Variants in KLF12 observed in about 807,000 individuals in gnomAD.
The protein encoded by KLF12 is Krueppel-like factor 12.
A neutral mutation model predicts 37.8 loss-of-function variants in KLF12; 9 were observed. That is an observed-to-expected ratio of 0.24 (90% CI 0.14 to 0.42). The LOEUF (loss-of-function observed/expected upper bound fraction) is 0.42. Among genes scored for constraint, KLF12 ranks in the 10% least tolerant of loss-of-function variants. The probability of loss-of-function intolerance (pLI) is 1.00; values close to 1 mark genes in which losing one functional copy is unlikely to be tolerated. For synonymous variants in KLF12, 208 were observed against 202.1 expected, an observed-to-expected ratio of 1.03 and a Z score of -0.25; for missense variants, 411 against 516.0, an observed-to-expected ratio of 0.80 and a Z score of 1.97.
At chr13:74,109,443 T>C (rs1278773637) in intron 1 of KLF12, among the ~76,000 whole-genome samples, 3 of 152,066 alleles carry the variant, frequency 2.0e-5, no homozygotes, top group African/African-American at 7.2e-5. Context: ...TTCCCAACAT[T>C]TGAAGAATAG....
chr13:73,992,496 G>A (rs543608911), intron 2 of KLF12, among the ~76,000 whole-genome samples: 1 of 152,250 alleles, frequency 6.6e-6, no homozygotes, highest in South Asian at 2.1e-4. Context: ...AGGAAAGGGT[G>A]GATGAAGACT....
intron 1 of KLF12, among the ~76,000 whole-genome samples, chr13:74,064,863 TC>T (rs1873815424): frequency 6.6e-6 from 1 of 152,204 alleles, no homozygotes; most frequent in African/African-American, 2.4e-5. Context: ...TACTAAGTTA[TC>T]TCAGAATCAA....
intron 3 of KLF12, among the ~76,000 whole-genome samples, chr13:73,894,372 T>C (rs919427909): frequency 6.6e-6 from 1 of 152,168 alleles, no homozygotes; most frequent in African/African-American, 2.4e-5. Context: ...ATACAGAGTG[T>C]CATCTTTTGA....
At chr13:73,796,507 CTGTGTGTGTG>C (rs5804694) in intron 5 of KLF12, among the ~76,000 whole-genome samples, 19,165 of 140,296 alleles carry the variant, frequency 0.14, 1,422 homozygotes, top group African/African-American at 0.22. Context: ...TGCCCCTGTG[CTGTGTGTGTG>C]TGTGTGTGTG....
chr13:74,250,763 A>AAATG, the KLF12 span, among the ~76,000 whole-genome samples: 2,522 of 152,288 alleles, frequency 0.017, 78 homozygotes, highest in African/African-American at 0.058. Flanking sequence ...GCTGCTATAA[A>AAATG]AATGAACTCA....
At chr13:74,128,183 AACT>A (rs763920837) in intron 1 of KLF12, among the ~76,000 whole-genome samples, 36 of 152,140 alleles carry the variant, frequency 2.4e-4, no homozygotes, top group Non-Finnish European at 4.4e-4. Flanking sequence ...GCTACGTTGA[AACT>A]TTTTAAGAGT....
intron 2 of KLF12, among the ~76,000 whole-genome samples, chr13:73,979,473 T>C (rs912635841): frequency 2.7e-5 from 4 of 149,602 alleles, no homozygotes; most frequent in African/African-American, 9.9e-5. Context: ...GCAACTAAAT[T>C]TAGAAGACAA....
intron 1 of KLF12, among the ~76,000 whole-genome samples, chr13:74,055,114 T>C (rs545650116): frequency 2.6e-5 from 4 of 152,312 alleles, no homozygotes; most frequent in African/African-American, 9.6e-5. Context: ...CACTGACATT[T>C]ACCAAATATT....
At chr13:73,775,789 G>A (rs1470439076) in intron 5 of KLF12, among the ~76,000 whole-genome samples, 2 of 152,128 alleles carry the variant, frequency 1.3e-5, no homozygotes, top group Non-Finnish European at 2.9e-5. Flanking sequence ...GCTATCTCTG[G>A]CTGCATTAAT....
chr13:74,188,797 A>G, the KLF12 span, among the ~76,000 whole-genome samples: 642 of 152,276 alleles, frequency 4.2e-3, 4 homozygotes, highest in African/African-American at 0.014. Context: ...GGAGTTCAAG[A>G]CCAGCCTGGC....
chr13:74,024,624 T>C (rs1230334478), intron 1 of KLF12, among the ~76,000 whole-genome samples: 3 of 152,214 alleles, frequency 2.0e-5, no homozygotes, highest in Admixed American at 2.0e-4. Flanking sequence ...CTGATATTTG[T>C]GTCTTCTTCA....
At chr13:73,823,881 A>G (rs996289511) in intron 4 of KLF12, among the ~76,000 whole-genome samples, 4 of 151,842 alleles carry the variant, frequency 2.6e-5, no homozygotes, top group African/African-American at 7.3e-5. Flanking sequence ...CAGATTTTTT[A>G]GTATTTTTAG....
chr13:73,737,923 C>T (rs997385746), intron 6 of KLF12, among the ~76,000 whole-genome samples: 5 of 151,524 alleles, frequency 3.3e-5, no homozygotes, highest in Non-Finnish European at 7.4e-5. Flanking sequence ...AAACCAACAA[C>T]ATCAAAATAT....
chr13:73,846,510 G>C (rs1314154947), intron 3 of KLF12, 137 bp from the exon 4 acceptor site: 6 of 816,194 alleles, frequency 7.4e-6, no homozygotes, highest in Non-Finnish European at 1.1e-5. Flanking sequence ...ATATCTGAAG[G>C]ATTGCTCAGA....
chr13:74,063,505 A>G (rs1294651581), intron 1 of KLF12, among the ~76,000 whole-genome samples: 3 of 152,232 alleles, frequency 2.0e-5, no homozygotes, highest in Non-Finnish European at 4.4e-5. Flanking sequence ...AATAGTATTA[A>G]TAACTGATAA....
chr13:73,988,263 T>C (rs1891879875), intron 2 of KLF12, among the ~76,000 whole-genome samples: 1 of 152,256 alleles, frequency 6.6e-6, no homozygotes, highest in African/African-American at 2.4e-5. Flanking sequence ...GTCAGTGTCA[T>C]ACTGGCAACT....
At chr13:74,193,909 G>A in the KLF12 span, among the ~76,000 whole-genome samples, 2 of 152,128 alleles carry the variant, frequency 1.3e-5, no homozygotes, top group Non-Finnish European at 2.9e-5. Context: ...ATGTTCTTTA[G>A]CTTGGTTCCT....
At chr13:74,294,161 G>A in the KLF12 span, among the ~76,000 whole-genome samples, 1 of 152,224 alleles carries the variant, frequency 6.6e-6, no homozygotes, top group African/African-American at 2.4e-5. Flanking sequence ...ACCACACTTT[G>A]AGTAAGTAGC....
At chr13:73,847,584 GA>G (rs1885098128) in intron 3 of KLF12, among the ~76,000 whole-genome samples, 1 of 152,078 alleles carries the variant, frequency 6.6e-6, no homozygotes, top group Non-Finnish European at 1.5e-5. Context: ...AGAAAAGAAA[GA>G]AAATAAATCA....
Sources: gnomAD v4.1 joint callset for allele counts (sites outside exome capture counted in the v4.1 genomes callset) on GRCh38, gnomAD v4.1.1 for gene constraint, MANE v1.5 for transcripts, NCBI Gene and HGNC (gene_info 2026-07-23, HGNC 2026-07-21) for gene names.